AAGAB: variants seen among roughly 807,000 people sequenced by gnomAD.
AAGAB encodes alpha- and gamma-adaptin-binding protein p34.
Under a neutral mutation model 44.1 loss-of-function variants are expected in AAGAB, and 38 were observed. The ratio of observed to expected loss-of-function variants is 0.86; its 90% confidence interval spans 0.67 to 1.13. The LOEUF (loss-of-function observed/expected upper bound fraction) is 1.13, where lower values mean the gene tolerates loss of function less well. AAGAB is among the 50% of genes most tolerant of loss of function. The pLI is 0.00. For missense variants in AAGAB, 450 were observed against 373.8 expected (o/e 1.20, Z -1.68); for synonymous variants, 131 against 131.8 (o/e 0.99, Z 0.04).
chr15:67,219,185 T>G (rs1342185143), intron 5 of AAGAB, among the ~76,000 whole-genome samples: 1 of 152,226 alleles, frequency 6.6e-6, no homozygotes, highest in Non-Finnish European at 1.5e-5. Flanking sequence ...AGGAACCTTT[T>G]AAGACATTTT....
At chr15:67,228,265 C>A (rs936485450) in intron 5 of AAGAB, among the ~76,000 whole-genome samples, 2 of 152,148 alleles carry the variant, frequency 1.3e-5, no homozygotes, top group Non-Finnish European at 2.9e-5. Context: ...TAACAAGCAC[C>A]ATTGAATATA....
chr15:67,203,885 A>T (rs1011123449), intron 8 of AAGAB, among the ~76,000 whole-genome samples, 159 bp downstream of exon 8: 2 of 148,158 alleles, frequency 1.3e-5, no homozygotes, highest in Non-Finnish European at 3.0e-5. Flanking sequence ...TCCCCAGGGA[A>T]TTTTTTTTTT....
chr15:67,239,693 AG>A (rs1964551002), intron 1 of AAGAB, among the ~76,000 whole-genome samples: 1 of 152,146 alleles, frequency 6.6e-6, no homozygotes, highest in South Asian at 2.1e-4. Flanking sequence ...AGCTAGGGAG[AG>A]AATAGTAAAG....
chr15:67,219,115 C>A (rs1406703140), intron 5 of AAGAB, among the ~76,000 whole-genome samples: 2 of 152,154 alleles, frequency 1.3e-5, no homozygotes, highest in Non-Finnish European at 2.9e-5. Context: ...GAGCTTAGCA[C>A]ATGCAACCAG....
At chr15:67,222,242 G>GCGCGCGCACACACACACACACACACACA (rs1367738219) in intron 5 of AAGAB, among the ~76,000 whole-genome samples, 1 of 90,044 alleles carries the variant, frequency 1.1e-5, no homozygotes, top group African/African-American at 3.8e-5. Context: ...GCGCGCGCGC[G>GCGCGCGCACACACACACACACACACACA]CACACACACA....
chr15:67,224,444 G>C (rs903068793), intron 5 of AAGAB, among the ~76,000 whole-genome samples: 5 of 152,138 alleles, frequency 3.3e-5, no homozygotes, highest in African/African-American at 1.2e-4. Flanking sequence ...CGAGATACTA[G>C]ACCATACTAG....
chr15:67,209,795 GGTGCCTGCCACT>G (rs1555416517), intron 5 of AAGAB, among the ~76,000 whole-genome samples: 1 of 152,160 alleles, frequency 6.6e-6, no homozygotes, highest in Non-Finnish European at 1.5e-5. Context: ...TGGGAATACA[GGTGCCTGCCACT>G]GTGCCTGGCT....
rs375842253 is a variant in AAGAB, at chr15:67,231,794, T to A, written c.535+20A>T. Reference sequence around the variant, plus strand: ...CAAGGAACAAGAGGAAAAAAATGACTTGAGTCCCAAGTTACTTACCATTCT... The same window carrying A: ...CAAGGAACAAGAGGAAAAAAATGACATGAGTCCCAAGTTACTTACCATTCT... On this transcript the variant is annotated intron_variant, in intron 5 of 9. Transcript: ENST00000261880. 1 of 1,585,922 alleles carries A rather than the reference T, an allele frequency of 6.3e-7. No individual in the cohort carries two copies. The highest frequency in any genetic ancestry group is 1.3e-5 in the African/African-American group (1 of 74,254).
intron 4 of AAGAB, among the ~76,000 whole-genome samples, chr15:67,235,668 ACT>A (rs1380937458): frequency 1.3e-5 from 2 of 152,172 alleles, no homozygotes; most frequent in African/African-American, 4.8e-5. Context: ...CGAAGGTCTA[ACT>A]CTCCTTCTTC....
intron 5 of AAGAB, among the ~76,000 whole-genome samples, chr15:67,222,242 G>GCGCACGCACA (rs1367738219): frequency 1.6e-4 from 14 of 90,044 alleles, no homozygotes; most frequent in Admixed American, 2.8e-4. Context: ...GCGCGCGCGC[G>GCGCACGCACA]CACACACACA....
chr15:67,236,532 C>T (rs983593668), intron 2 of AAGAB, 28 bp from the exon 3 acceptor site: 35 of 1,608,876 alleles, frequency 2.2e-5, no homozygotes, highest in Non-Finnish European at 3.0e-5. Context: ...TATAAACAAA[C>T]AAAAACAGAA....
intron 4 of AAGAB, among the ~76,000 whole-genome samples, chr15:67,234,491 A>C (rs947126603): frequency 6.6e-6 from 1 of 152,206 alleles, no homozygotes; most frequent in African/African-American, 2.4e-5. Context: ...AAAGTCCTAT[A>C]TTCATGTTTG....
chr15:67,237,162 T>C (rs532467845), intron 1 of AAGAB, among the ~76,000 whole-genome samples: 1 of 152,312 alleles, frequency 6.6e-6, no homozygotes, highest in African/African-American at 2.4e-5. Flanking sequence ...ATTGTATTGC[T>C]TAAGTACTTC....
intron 5 of AAGAB, among the ~76,000 whole-genome samples, chr15:67,220,010 G>A (rs925230728): frequency 6.6e-6 from 1 of 151,860 alleles, no homozygotes; most frequent in South Asian, 2.1e-4. Flanking sequence ...AATTCAAACC[G>A]AAGAGAATAA....
At position 67,200,874 on chromosome 15, in the gene AAGAB, C is replaced by G. The variant is rs1315626145; in HGVS notation, c.*1947G>C. ...CATAGCTGAGGTCTTAAAAACATGA[C>G]ATTACATATGCAGGGTAAATTCTAA... is the stretch of plus-strand genomic sequence containing the variant. On this transcript the variant is annotated 3_prime_UTR_variant, in exon 10 of 10. Coordinates refer to ENST00000261880, the MANE Select transcript of AAGAB (RefSeq NM_024666.5). 6.6e-6 allele frequency among the ~76,000 whole-genome samples: 1 copy of G among 152,198 alleles called. No homozygotes were observed. Among genetic ancestry groups the G allele is most frequent in the Non-Finnish European group, 1.5e-5 (1 of 68,034 alleles).
intron 5 of AAGAB, among the ~76,000 whole-genome samples, chr15:67,220,774 T>C (rs1394376277): frequency 6.6e-6 from 1 of 152,208 alleles, no homozygotes; most frequent in Non-Finnish European, 1.5e-5. Flanking sequence ...AATAACAGAC[T>C]CAAAAGTTTA....
chr15:67,220,982 C>T (rs1453514872), intron 5 of AAGAB: 1 of 152,208 alleles, frequency 6.6e-6, no homozygotes, highest in Admixed American at 6.5e-5. Context: ...GGGAATGTCT[C>T]TGAGTTATAG....
chr15:67,206,861 T>G (rs1253426123), intron 7 of AAGAB, among the ~76,000 whole-genome samples: 3 of 152,176 alleles, frequency 2.0e-5, no homozygotes, highest in Non-Finnish European at 4.4e-5. Flanking sequence ...GGAGCCCTAG[T>G]TCCTTTTATT....
chr15:67,202,703 A>G lies in AAGAB; in HGVS notation c.*118T>C. 2.3e-6 allele frequency: 2 copies of G among 883,416 alleles called. No individual in the cohort carries two copies. The highest frequency in any genetic ancestry group is 3.7e-6 in the Non-Finnish European group (2 of 536,118). 54.7% of individuals were successfully genotyped at this position (883,416 alleles called of 1,614,324 possible). On this transcript the variant is annotated 3_prime_UTR_variant, in exon 10 of 10. Transcript: ENST00000261880. ...AAAACTAAAATTAAGGGGACCCTAT[A>G]AACAAGTCAGGCAGCCAACATGATA...
Sources: allele counts gnomAD v4.1 joint callset (sites outside exome capture counted in the v4.1 genomes callset), GRCh38; gene constraint gnomAD v4.1.1; transcripts MANE v1.5; gene names NCBI Gene and HGNC (gene_info 2026-07-23, HGNC 2026-07-21).